Variants in FAP observed in about 807,000 individuals in gnomAD.
FAP encodes prolyl endopeptidase FAP.
A neutral mutation model predicts 126.5 loss-of-function variants in FAP; 110 were observed. The ratio of observed to expected loss-of-function variants is 0.87; its 90% CI spans 0.74 to 1.02. The LOEUF (loss-of-function observed/expected upper bound fraction) is 1.02, where lower values mean the gene tolerates loss of function less well. Ranked by LOEUF, FAP falls within the 50% of genes least tolerant of loss-of-function variation. FAP has a pLI of 0.00. For synonymous variants in FAP, 334 were observed against 297.3 expected (o/e 1.12, Z -1.27); for missense variants, 919 against 909.2 (o/e 1.01, Z -0.14).
At chr2:162,213,432 A>G (rs1006896162) in intron 11 of FAP, among the ~76,000 whole-genome samples, 1 of 152,008 alleles carries the variant, frequency 6.6e-6, no homozygotes, top group African/African-American at 2.4e-5. Flanking sequence ...AACAAAAAAA[A>G]AAACAGAATA....
At chr2:162,236,846 A>G (rs926563446) in intron 2 of FAP, among the ~76,000 whole-genome samples, 3 of 152,142 alleles carry the variant, frequency 2.0e-5, no homozygotes, top group Middle Eastern at 3.4e-3. Context: ...CAAGTGATCC[A>G]TCATCTCAGC....
chr2:162,242,115 A>T (rs1227419639), intron 2 of FAP, among the ~76,000 whole-genome samples: 1 of 152,168 alleles, frequency 6.6e-6, no homozygotes, highest in Non-Finnish European at 1.5e-5. Context: ...ACACAAAGAC[A>T]TAAGACCTGT....
chr2:162,209,753 T>C (rs531916733), intron 12 of FAP, 199 bp downstream of exon 12: 4 of 552,264 alleles, frequency 7.2e-6, no homozygotes, highest in Non-Finnish European at 9.6e-6. Flanking sequence ...ATGAGTTATT[T>C]TCAATAGAAT....
intron 16 of FAP, among the ~76,000 whole-genome samples, chr2:162,196,987 T>C (rs1210210630): frequency 4.6e-5 from 7 of 152,344 alleles, no homozygotes; most frequent in Admixed American, 3.3e-4. Context: ...TCTTCATCTC[T>C]TCAGTGGGCA....
At chr2:162,208,610 T>C (rs1455493720) in intron 12 of FAP, among the ~76,000 whole-genome samples, 2 of 152,188 alleles carry the variant, frequency 1.3e-5, no homozygotes, top group Non-Finnish European at 2.9e-5. Flanking sequence ...TTCCCTTCGT[T>C]CTTTACTAGA....
At chr2:162,223,933 A>T (rs1365301900) in intron 5 of FAP, among the ~76,000 whole-genome samples, 2 of 152,084 alleles carry the variant, frequency 1.3e-5, no homozygotes, top group Non-Finnish European at 1.5e-5. Flanking sequence ...ATTTCCTAAC[A>T]TAAAAAGCTT....
intron 20 of FAP, among the ~76,000 whole-genome samples, chr2:162,187,563 T>A (rs1337377561): frequency 6.6e-6 from 1 of 152,102 alleles, no homozygotes; most frequent in African/African-American, 2.4e-5. Context: ...TAAATCATGG[T>A]TGAAAATATA....
intron 2 of FAP, among the ~76,000 whole-genome samples, chr2:162,229,648 G>A (rs549838499): frequency 6.6e-6 from 1 of 151,942 alleles, no homozygotes; most frequent in African/African-American, 2.4e-5. Flanking sequence ...TTTCCTTTTC[G>A]TATCATTAAA....
chr2:162,178,156 T>C (rs2106215742), intron 21 of FAP, among the ~76,000 whole-genome samples: 1 of 152,312 alleles, frequency 6.6e-6, no homozygotes, highest in African/African-American at 2.4e-5. Flanking sequence ...TCAAATTACT[T>C]ATAATTAGTC....
intron 5 of FAP, among the ~76,000 whole-genome samples, 155 bp downstream of exon 5, chr2:162,224,311 A>G (rs1035319465): frequency 1.3e-5 from 2 of 152,180 alleles, no homozygotes; most frequent in Non-Finnish European, 2.9e-5. Context: ...AACAAGCTCC[A>G]TAAGATTGAA....
At chr2:162,234,705 C>G (rs1032699222) in intron 2 of FAP, among the ~76,000 whole-genome samples, 1 of 152,198 alleles carries the variant, frequency 6.6e-6, no homozygotes, top group African/African-American at 2.4e-5. Context: ...TGGCAGCCCT[C>G]TCAGCCCTCA....
chr2:162,229,341 A>G (rs1027041666), intron 2 of FAP, among the ~76,000 whole-genome samples: 1 of 152,164 alleles, frequency 6.6e-6, no homozygotes, highest in Non-Finnish European at 1.5e-5. Flanking sequence ...AATGTTTTAG[A>G]TCAATGTTTC....
chr2:162,188,387 A>C, intron 19 of FAP, 24 bp from the exon 20 acceptor site: 1 of 1,600,246 alleles, frequency 6.2e-7, no homozygotes. Flanking sequence ...AAAAAAAACA[A>C]GAATCTTTGA....
At chr2:162,235,218 C>G (rs191846686) in intron 2 of FAP, among the ~76,000 whole-genome samples, 203 of 151,900 alleles carry the variant, frequency 1.3e-3, no homozygotes, top group African/African-American at 4.5e-3. Flanking sequence ...GGCTCCTGCA[C>G]GGCCTGAGCC....
intron 12 of FAP, 174 bp downstream of exon 12, chr2:162,209,778 T>G: frequency 1.7e-6 from 1 of 574,014 alleles, no homozygotes; most frequent in Non-Finnish European, 3.1e-6. Flanking sequence ...AAAAGGACAT[T>G]GAAATTGTCC....
At chr2:162,229,819 T>C (rs1364562607) in intron 2 of FAP, among the ~76,000 whole-genome samples, 1 of 151,598 alleles carries the variant, frequency 6.6e-6, no homozygotes, top group Non-Finnish European at 1.5e-5. Flanking sequence ...ATAGTAGCTA[T>C]AAATGCCAAC....
chr2:162,176,856 T>A (rs962497866), intron 21 of FAP, among the ~76,000 whole-genome samples: 1 of 152,192 alleles, frequency 6.6e-6, no homozygotes. Flanking sequence ...GAATTATTAA[T>A]CTGTATCTAT....
chr2:162,191,894 C>G (rs13399624), intron 17 of FAP, among the ~76,000 whole-genome samples: 5 of 152,068 alleles, frequency 3.3e-5, no homozygotes, highest in African/African-American at 9.7e-5. Flanking sequence ...AATGAAGCCA[C>G]TTCACTGTGT....
chr2:162,174,804 A>G, intron 22 of FAP, 63 bp downstream of exon 22: 1 of 1,148,704 alleles, frequency 8.7e-7, no homozygotes, highest in Non-Finnish European at 1.3e-6. Context: ...TTCTAGCAAC[A>G]TCAGATATAG....
Sources: gnomAD v4.1 joint callset for allele counts (sites outside exome capture counted in the v4.1 genomes callset) on GRCh38, gnomAD v4.1.1 for gene constraint, MANE v1.5 for transcripts, NCBI Gene and HGNC (gene_info 2026-07-23, HGNC 2026-07-21) for gene names.